Variants in ASTN1 observed in about 807,000 individuals in gnomAD.
ASTN1 encodes astrotactin-1.
In ASTN1, 41 loss-of-function variants were observed where a neutral mutation model predicts 140.7. The ratio of observed to expected loss-of-function variants is 0.29; its 90% CI spans 0.23 to 0.38. The LOEUF is 0.38. Ranked by LOEUF, ASTN1 falls within the 10% of genes least tolerant of loss-of-function variation. The probability of loss-of-function intolerance (pLI) is 1.00; values close to 1 mark genes in which losing one functional copy is unlikely to be tolerated. For synonymous variants in ASTN1, 640 were observed against 652.2 expected (o/e 0.98, Z 0.29); for missense variants, 1,479 against 1,678.8 (o/e 0.88, Z 2.08).
At chr1:176,923,186 T>C (rs1426344500) in intron 16 of ASTN1, among the ~76,000 whole-genome samples, 1 of 152,232 alleles carries the variant, frequency 6.6e-6, no homozygotes, top group Non-Finnish European at 1.5e-5. Flanking sequence ...AGTTAACCTA[T>C]TTAACCTTGA....
intron 1 of ASTN1, among the ~76,000 whole-genome samples, chr1:177,127,458 T>C (rs1054915134): frequency 1.3e-5 from 2 of 152,208 alleles, no homozygotes; most frequent in African/African-American, 4.8e-5. Context: ...CCCATGCCCA[T>C]GCCTTCTCCA....
At chr1:177,077,808 A>C (rs1424297993) in intron 1 of ASTN1, among the ~76,000 whole-genome samples, 1 of 152,022 alleles carries the variant, frequency 6.6e-6, no homozygotes, top group Admixed American at 6.6e-5. Context: ...GAGGCCCTTC[A>C]TTTCACATGC....
At chr1:177,070,919 C>T (rs1179522728) in intron 1 of ASTN1, among the ~76,000 whole-genome samples, 2 of 152,202 alleles carry the variant, frequency 1.3e-5, no homozygotes, top group Admixed American at 1.3e-4. Flanking sequence ...CTAATATCAT[C>T]ATCAATATCA....
intron 2 of ASTN1, among the ~76,000 whole-genome samples, chr1:177,049,104 G>T (rs1251596574): frequency 6.6e-6 from 1 of 152,178 alleles, no homozygotes; most frequent in Non-Finnish European, 1.5e-5. Flanking sequence ...GTTTTTTCAT[G>T]CATTTCTTTC....
In ASTN1 at chr1:177,002,973, A is replaced by T. The variant is rs918473510; in HGVS notation, c.1523+11818T>A. 1.1e-4 allele frequency among the ~76,000 whole-genome samples: 16 copies of T among 144,910 alleles called. 2 individuals are homozygous for T. In the East Asian group the frequency reaches 2.2e-3, roughly 20 times the overall value. On this transcript the variant is annotated intron_variant, in intron 8 of 22. Coordinates refer to ENST00000361833, the MANE Select transcript of ASTN1 (RefSeq NM_004319.3). ...ATAAGCAGTGAGATTAATCGGTAAT[A>T]AAAAAAAAAGGCCAAAACGAACAAA...
At chr1:177,119,281 A>G (rs1454518762) in intron 1 of ASTN1, among the ~76,000 whole-genome samples, 1 of 152,226 alleles carries the variant, frequency 6.6e-6, no homozygotes, top group Non-Finnish European at 1.5e-5. Context: ...GTAGGTGCTA[A>G]ATAAATGTGC....
At chr1:176,890,694 T>G (rs768789281) in intron 17 of ASTN1, among the ~76,000 whole-genome samples, 57 of 152,244 alleles carry the variant, frequency 3.7e-4, no homozygotes, top group Non-Finnish European at 7.6e-4. Context: ...TTGCAAAAGC[T>G]GTCACTTTCC....
intron 16 of ASTN1, among the ~76,000 whole-genome samples, chr1:176,925,284 A>T (rs1343807878): frequency 1.3e-5 from 2 of 152,198 alleles, no homozygotes; most frequent in Non-Finnish European, 2.9e-5. Flanking sequence ...TGTATTAGAC[A>T]GGATGAGAAA....
intron 1 of ASTN1, among the ~76,000 whole-genome samples, chr1:177,094,733 G>C (rs1247028175): frequency 6.6e-6 from 1 of 152,258 alleles, no homozygotes; most frequent in African/African-American, 2.4e-5. Context: ...ATGTGAAAGT[G>C]GTTTTCAAAT....
chr1:177,058,263 A>G (rs752463510), intron 2 of ASTN1, among the ~76,000 whole-genome samples: 4 of 152,058 alleles, frequency 2.6e-5, no homozygotes, highest in Non-Finnish European at 5.9e-5. Context: ...GGCCTTCCTG[A>G]TTTTTTTATG....
intron 1 of ASTN1, among the ~76,000 whole-genome samples, chr1:177,096,693 A>G (rs968758341): frequency 6.6e-6 from 1 of 152,132 alleles, no homozygotes; most frequent in Non-Finnish European, 1.5e-5. Flanking sequence ...CCCCTGCCAC[A>G]TGCCCTCTTG....
chr1:176,926,558 C>T (rs1044532312), intron 16 of ASTN1, among the ~76,000 whole-genome samples: 7 of 152,194 alleles, frequency 4.6e-5, no homozygotes, highest in African/African-American at 1.7e-4. Context: ...TCTCTAAATC[C>T]CCTCTCTGCT....
At chr1:177,155,176 A>C (rs1301110079) in intron 1 of ASTN1, among the ~76,000 whole-genome samples, 7 of 152,208 alleles carry the variant, frequency 4.6e-5, no homozygotes. Context: ...TTGATGGTAA[A>C]AGAGCAGTGG....
intron 8 of ASTN1, among the ~76,000 whole-genome samples, chr1:177,005,481 A>C (rs190734883): frequency 2.1e-3 from 326 of 152,336 alleles, no homozygotes; most frequent in African/African-American, 7.5e-3. Context: ...TTGGGTATCT[A>C]TCCAAAGGAA....
intron 1 of ASTN1, among the ~76,000 whole-genome samples, chr1:177,091,311 T>C (rs1351418853): frequency 1.3e-5 from 2 of 152,194 alleles, no homozygotes; most frequent in Admixed American, 6.5e-5. Flanking sequence ...ACATCAGGCT[T>C]CCTGTGAACT....
intron 8 of ASTN1, among the ~76,000 whole-genome samples, chr1:176,985,305 G>C (rs75228820): frequency 7.8e-4 from 118 of 152,164 alleles, no homozygotes; most frequent in African/African-American, 2.6e-3. Flanking sequence ...GCACCTCTGT[G>C]GTCTTTGAGT....
intron 1 of ASTN1, among the ~76,000 whole-genome samples, chr1:177,082,761 C>T (rs116300103): frequency 0.015 from 2,345 of 152,218 alleles, 36 homozygotes; most frequent in Admixed American, 0.021. Context: ...ACTCTCCTTC[C>T]CTATGCTGGA....
At chr1:176,883,076 A>G in intron 19 of ASTN1, 82 bp from the exon 20 acceptor site, 1 of 1,543,648 alleles carries the variant, frequency 6.5e-7, no homozygotes, top group Non-Finnish European at 8.9e-7. Context: ...CTCAATGAGA[A>G]CTTAACATGA....
chr1:177,071,855 C>T (rs1038478597), intron 1 of ASTN1, among the ~76,000 whole-genome samples: 2 of 152,168 alleles, frequency 1.3e-5, no homozygotes, highest in Admixed American at 1.3e-4. Context: ...TGGCATCATT[C>T]AGCCTGAGAA....
Sources: gnomAD v4.1 joint callset for allele counts (sites outside exome capture counted in the v4.1 genomes callset) on GRCh38, gnomAD v4.1.1 for gene constraint, MANE v1.5 for transcripts, NCBI Gene and HGNC (gene_info 2026-07-23, HGNC 2026-07-21) for gene names.